SNTG2: variants seen among roughly 807,000 people sequenced by gnomAD.
SNTG2 encodes the protein syntrophin gamma 2.
In SNTG2, 74 loss-of-function variants were observed where a neutral mutation model predicts 70.9. The observed-to-expected ratio is 1.04, with a 90% CI of 0.86 to 1.27. The LOEUF is 1.27. SNTG2 is among the 50% of genes most tolerant of loss of function. The pLI, the probability that SNTG2 is intolerant of heterozygous loss-of-function variation, is 0.00. For synonymous variants in SNTG2, 278 were observed against 273.8 expected, an observed-to-expected ratio of 1.02 and a Z score of -0.15; for missense variants, 717 against 690.7, an observed-to-expected ratio of 1.04 and a Z score of -0.43.
Position 1,183,568 on chromosome 2 carries a change from C to A in SNTG2, c.591+10385C>A, listed in dbSNP as rs142399715. 3.2e-3 allele frequency among the ~76,000 whole-genome samples: 485 copies of A among 152,292 alleles called. 2 individuals carry two copies. The highest frequency in any genetic ancestry group is 0.011 in the African/African-American group (463 of 41,560). On this transcript the variant is annotated intron_variant, in intron 8 of 16. Transcript: ENST00000308624. ...CAGATAGAGAATAGTATTTCTTTAG[C>A]ATCATCAACACGATGGCAAAACAGC... is the stretch of plus-strand genomic sequence containing the variant.
At chr2:1,347,340 G>T (rs1660346434) in intron 16 of SNTG2, among the ~76,000 whole-genome samples, 1 of 152,202 alleles carries the variant, frequency 6.6e-6, no homozygotes, top group Admixed American at 6.5e-5. Flanking sequence ...CAGCCTGTGG[G>T]TCTTCCTGGT....
At chr2:1,301,215 G>C (rs1013453072) in intron 14 of SNTG2, among the ~76,000 whole-genome samples, 1 of 152,136 alleles carries the variant, frequency 6.6e-6, no homozygotes, top group Non-Finnish European at 1.5e-5. Flanking sequence ...AAGGGTCATG[G>C]GATTGGGCAC....
intron 14 of SNTG2, among the ~76,000 whole-genome samples, chr2:1,276,187 T>C (rs1679256886): frequency 6.6e-6 from 1 of 152,208 alleles, no homozygotes; most frequent in Non-Finnish European, 1.5e-5. Context: ...AAGATCCAGC[T>C]AACAACACTG....
chr2:1,119,420 G>A (rs1667240940), intron 4 of SNTG2, among the ~76,000 whole-genome samples: 1 of 152,142 alleles, frequency 6.6e-6, no homozygotes, highest in Non-Finnish European at 1.5e-5. Flanking sequence ...ACCCATACAT[G>A]TCTCCAGTAT....
chr2:955,980 T>C lies in SNTG2; in HGVS notation c.72+4912T>C, dbSNP rs578150764. 4.7e-3 allele frequency among the ~76,000 whole-genome samples: 469 copies of C among 100,798 alleles called. 2 individuals carry two copies. Among genetic ancestry groups the C allele is most frequent in the African/African-American group, 0.017 (442 of 26,744 alleles). The allele number at this position is 100,798 out of a possible 152,430, so 66.1% of individuals were successfully genotyped here. A position where few individuals can be genotyped will look rare whatever the true frequency, so the allele number is the denominator to read the frequency against. On this transcript the variant is annotated intron_variant, in intron 1 of 16. Coordinates refer to ENST00000308624, the MANE Select transcript of SNTG2 (RefSeq NM_018968.4). Reference sequence around the variant, plus strand: ...CCCTGCCCCTGCCCCTGCCCCTGCATCTGCATCTGCATCTGCCCTGGCCCC... The same window carrying C: ...CCCTGCCCCTGCCCCTGCCCCTGCACCTGCATCTGCATCTGCCCTGGCCCC...
intron 13 of SNTG2, among the ~76,000 whole-genome samples, 182 bp from the exon 14 acceptor site, chr2:1,267,183 G>A (rs748614215): frequency 1.3e-5 from 2 of 152,170 alleles, no homozygotes; most frequent in Non-Finnish European, 2.9e-5. Context: ...ATATTTGTCT[G>A]TGGACCACTT....
chr2:1,223,828 C>G (rs958506570), intron 9 of SNTG2, among the ~76,000 whole-genome samples: 2 of 136,600 alleles, frequency 1.5e-5, no homozygotes, highest in Admixed American at 1.5e-4. Flanking sequence ...CCCAGTTCCA[C>G]AGATGGGTGA....
chr2:1,222,087 C>CTG (rs1553362221), intron 9 of SNTG2, among the ~76,000 whole-genome samples: 3 of 19,132 alleles, frequency 1.6e-4, no homozygotes, highest in Admixed American at 5.8e-4. Flanking sequence ...CTGTCTCTGT[C>CTG]TCTCTCTGTC....
intron 9 of SNTG2, among the ~76,000 whole-genome samples, chr2:1,231,695 C>T (rs943026347): frequency 4.6e-5 from 7 of 152,088 alleles, no homozygotes; most frequent in Non-Finnish European, 7.4e-5. Context: ...AACCCCACAG[C>T]GTGGCTGAGA....
At chr2:1,259,974 T>G (rs1263382135) in intron 13 of SNTG2, among the ~76,000 whole-genome samples, 1 of 152,162 alleles carries the variant, frequency 6.6e-6, no homozygotes, top group Non-Finnish European at 1.5e-5. Flanking sequence ...CAGAGGTGTC[T>G]CCACAGCAAG....
intron 1 of SNTG2, among the ~76,000 whole-genome samples, chr2:988,859 T>A (rs955181361): frequency 2.4e-4 from 37 of 152,234 alleles, no homozygotes; most frequent in Non-Finnish European, 5.9e-5. Flanking sequence ...AAATACTGAA[T>A]TTTTCAATCT....
chr2:1,244,934 T>C (rs551734685), intron 11 of SNTG2, among the ~76,000 whole-genome samples: 25 of 151,996 alleles, frequency 1.6e-4, no homozygotes, highest in Admixed American at 1.6e-3. Flanking sequence ...CCTCGCCTAA[T>C]AAGGCCATAA....
chr2:1,217,375 A>G (rs1265208586), intron 9 of SNTG2, among the ~76,000 whole-genome samples: 1 of 152,238 alleles, frequency 6.6e-6, no homozygotes, highest in Non-Finnish European at 1.5e-5. Flanking sequence ...GTCATTGTGA[A>G]TGAGGATTAA....
chr2:1,333,736 T>G lies in SNTG2; in HGVS notation c.1488+17361T>G, dbSNP rs926212196. ...GGTCTGGGATAATTGGCAAGCCACA[T>G]GCAGAAAAATGAAAGTGGATCCTCA... is the stretch of plus-strand genomic sequence containing the variant. On this transcript the variant is annotated intron_variant, in intron 16 of 16. Coordinates refer to ENST00000308624, the MANE Select transcript of SNTG2 (RefSeq NM_018968.4). Among the ~76,000 whole-genome samples the G allele has an allele frequency of 5.9e-5, 9 of 152,286 alleles. 2 individuals carry two copies. The highest frequency in any genetic ancestry group is 4.6e-4 in the Admixed American group (7 of 15,304).
chr2:1,174,876 C>CT (rs1407787518), intron 8 of SNTG2, among the ~76,000 whole-genome samples: 2 of 152,030 alleles, frequency 1.3e-5, no homozygotes, highest in Admixed American at 1.3e-4. Context: ...TTAAGGTGAT[C>CT]TTTTTTCTTA....
At chr2:1,178,616 C>A (rs551787477) in intron 8 of SNTG2, among the ~76,000 whole-genome samples, 58 of 152,170 alleles carry the variant, frequency 3.8e-4, no homozygotes, top group African/African-American at 1.2e-3. Flanking sequence ...CATTGATTTG[C>A]GTATGTTGAA....
At chr2:1,321,571 A>G (rs1681523646) in intron 16 of SNTG2, among the ~76,000 whole-genome samples, 1 of 152,152 alleles carries the variant, frequency 6.6e-6, no homozygotes, top group Non-Finnish European at 1.5e-5. Context: ...TGCCCACAGC[A>G]TTTATCACTG....
rs570856673 is a variant in SNTG2, at chr2:952,861, C to T, written c.72+1793C>T. Among the ~76,000 whole-genome samples the T allele has an allele frequency of 3.4e-4, 52 of 152,316 alleles. 1 individual carries two copies. The highest frequency in any genetic ancestry group is 2.9e-3 in the Admixed American group (44 of 15,294). ...GGTGTTGGCAGGTTTGTCTTGAAAACATGAATGTTCTTAGTATACAATGTC... is the reference window on the plus strand; with the variant it reads ...GGTGTTGGCAGGTTTGTCTTGAAAATATGAATGTTCTTAGTATACAATGTC... On this transcript the variant is annotated intron_variant, in intron 1 of 16. Transcript: ENST00000308624.
intron 12 of SNTG2, among the ~76,000 whole-genome samples, chr2:1,255,911 TATATATAA>T (rs1174046945): frequency 4.3e-4 from 28 of 65,768 alleles, no homozygotes; most frequent in South Asian, 1.6e-3. Context: ...TATATAAATA[TATATATAA>T]ATATATAAAT....
Sources: gnomAD v4.1 joint callset for allele counts (sites outside exome capture counted in the v4.1 genomes callset) on GRCh38, gnomAD v4.1.1 for gene constraint, MANE v1.5 for transcripts, NCBI Gene and HGNC (gene_info 2026-07-23, HGNC 2026-07-21) for gene names.